LCE3E: variants seen among roughly 807,000 people sequenced by gnomAD.
LCE3E encodes the protein late cornified envelope 3E, also known as late cornified envelope protein 3E.
For synonymous variants in LCE3E, 40 were observed against 47.0 expected (o/e 0.85, Z 0.61); for missense variants, 133 against 120.0 (o/e 1.11, Z -0.51).
rs1216929667 is a variant in LCE3E at position 152,566,074 on chromosome 1, G to T, written c.135C>A (p.Gly45=). Reference sequence around the variant, plus strand: ...GGAAGCAGCCGCCCTCGGAGCTAGGGCCACAGCCCCCAGAGCTTGGGGCAC... The same window carrying T: ...GGAAGCAGCCGCCCTCGGAGCTAGGTCCACAGCCCCCAGAGCTTGGGGCAC... ...SGCAPSSGGC[G]PSSEGGCFLN... Residue 45 remains glycine, a synonymous_variant, in exon 2 of 2, where the codon GGC becomes GGA. Coordinates refer to ENST00000368789, the MANE Select transcript of LCE3E (RefSeq NM_178435.4). 4 of 1,613,720 alleles carry T rather than the reference G, an allele frequency of 2.5e-6. No homozygotes were observed. In the African/African-American group the frequency reaches 4.0e-5, roughly 16 times the overall value.
Position 152,565,747 on chromosome 1 carries a change from C to T in LCE3E, c.*183G>A, listed in dbSNP as rs180816225. 35 of 815,040 alleles carry T rather than the reference C, an allele frequency of 4.3e-5. No homozygotes were observed. The highest frequency in any genetic ancestry group is 4.3e-4 in the Admixed American group (15 of 35,084). The allele number at this position is 815,040 out of a possible 1,614,324, so 50.5% of individuals were successfully genotyped here. A position where few individuals can be genotyped will look rare whatever the true frequency, so the allele number is the denominator to read the frequency against. Reference sequence around the variant, plus strand: ...CAGGGGTAGGGGGACATATGACATCCTGTACATAAAACAAGAAGTGCCTTC... The same window carrying T: ...CAGGGGTAGGGGGACATATGACATCTTGTACATAAAACAAGAAGTGCCTTC... On this transcript the variant is annotated 3_prime_UTR_variant, in exon 2 of 2. Coordinates refer to ENST00000368789, the MANE Select transcript of LCE3E (RefSeq NM_178435.4).
Position 152,565,950 on chromosome 1 carries a change from C to T in LCE3E, c.259G>A (p.Gly87Ser), listed in dbSNP as rs760662720. 24 of 1,613,526 alleles carry T rather than the reference C, an allele frequency of 1.5e-5. No individual in the cohort carries two copies. The African/African-American group carries it at 2.3e-4, about 15-fold the overall frequency. ...CTGGATCAGCAGCAGCCCCCAGAAC[C>T]GTGGCAGCAGCCAGAGCCCCCGCCT... ...QQGGGSGCCH[G>S]SGGCC Residue 87 changes from glycine (G) to serine (S), a missense_variant, in exon 2 of 2, where the codon GGT (glycine) becomes AGT (serine). Gly to Ser is a moderately conservative substitution (Grantham distance 56). Transcript: ENST00000368789.
chr1:152,565,977 G>A lies in LCE3E; in HGVS notation c.232C>T (p.Gln78Ter), dbSNP rs752108425. 2 of 1,613,700 alleles carry A rather than the reference G, an allele frequency of 1.2e-6. No individual in the cohort carries two copies. The highest frequency in any genetic ancestry group is 1.7e-6 in the Non-Finnish European group (2 of 1,180,040). Residue 78 changes from glutamine to a stop codon, truncating the protein, a stop_gained, in exon 2 of 2, where the codon CAA (glutamine) becomes TAA (stop). Coordinates refer to ENST00000368789, the MANE Select transcript of LCE3E (RefSeq NM_178435.4). LOFTEE classifies it high-confidence loss of function. The part of the protein sequence containing the change: ...SNSCDRGSGQ[Q>*]GGGSGCCHGS... ...TGGCAGCAGCCAGAGCCCCCGCCTT[G>A]CTGACCACTGCCCCTGTCACAGGAG...
intron 1 of LCE3E, 46 bp from the exon 2 acceptor site, chr1:152,566,275 C>T (rs1295236569): frequency 1.1e-5 from 18 of 1,578,528 alleles, no homozygotes; most frequent in Admixed American, 3.6e-5. Flanking sequence ...TACAGTCCAA[C>T]GTCTCTAAGA....
rs1659922981 is a variant in LCE3E at position 152,566,342 on chromosome 1, G to C, written c.-21-113C>G. 9.9e-6 allele frequency: 11 copies of C among 1,115,494 alleles called. No individual in the cohort carries two copies. In the East Asian group the frequency reaches 2.8e-4, roughly 29 times the overall value. The allele number at this position is 1,115,494 out of a possible 1,614,324, so 69.1% of individuals were successfully genotyped here. On this transcript the variant is annotated intron_variant, in intron 1 of 1. Coordinates refer to ENST00000368789, the MANE Select transcript of LCE3E (RefSeq NM_178435.4). The stretch of plus-strand genomic sequence containing the variant: ...GGGTGAGGGAAGCTGATGTGGAGCT[G>C]GTGGGATATGCCAGATACTTCTCAC...
intron 1 of LCE3E, among the ~76,000 whole-genome samples, chr1:152,566,531 T>G (rs1031522563): frequency 2.0e-5 from 3 of 151,994 alleles, no homozygotes; most frequent in African/African-American, 7.2e-5. Flanking sequence ...TGGGAGGGAA[T>G]TGTGAGCTCT....
rs1659918773 is a variant in LCE3E, at chr1:152,566,154, G to A, written c.55C>T (p.Pro19Ser). 2 of 1,613,754 alleles carry A rather than the reference G, an allele frequency of 1.2e-6. No homozygotes were observed. Among genetic ancestry groups the A allele is most frequent in the Middle Eastern group, 1.6e-4 (1 of 6,084 alleles). ...QCQPPPKCPS[P>S]KCPPKNPVQC... Reference sequence around the variant, plus strand: ...ACTGGGTTCTTTGGGGGACACTTGGGTGAGGGGCACTTGGGTGGGGGTTGG... The same window carrying A: ...ACTGGGTTCTTTGGGGGACACTTGGATGAGGGGCACTTGGGTGGGGGTTGG... Residue 19 changes from proline (P) to serine (S), a missense_variant, in exon 2 of 2, where the codon CCC becomes TCC. Coordinates refer to ENST00000368789, the MANE Select transcript of LCE3E (RefSeq NM_178435.4).
At chr1:152,566,607 C>T (rs190464466) in intron 1 of LCE3E, 131 bp downstream of exon 1, 87 of 231,720 alleles carry the variant, frequency 3.8e-4, no homozygotes, top group Middle Eastern at 3.2e-3. Context: ...CCCCTTCCCC[C>T]ATTGCTGCCC....
chr1:152,565,834 G>T lies in LCE3E; in HGVS notation c.*96C>A. 1 of 1,518,682 alleles carries T rather than the reference G, an allele frequency of 6.6e-7. No individual in the cohort carries two copies. Among genetic ancestry groups the T allele is most frequent in the Non-Finnish European group, 8.9e-7 (1 of 1,122,978 alleles). The allele number at this position is 1,518,682 out of a possible 1,614,324, so 94.1% of individuals were successfully genotyped here. ...GCTCAGCCTGTGAAAGTCAGAAGAG[G>T]GTATATGGGAAGGCATGCGTCAGAT... On this transcript the variant is annotated 3_prime_UTR_variant, in exon 2 of 2. Transcript: ENST00000368789.
At position 152,566,145 on chromosome 1, in the gene LCE3E, G is replaced by A; in HGVS notation, c.64C>T (p.Pro22Ser). 2 of 1,613,902 alleles carry A rather than the reference G, an allele frequency of 1.2e-6. No individual in the cohort carries two copies. The highest frequency in any genetic ancestry group is 1.7e-6 in the Non-Finnish European group (2 of 1,180,052). The change falls in exon 2 of 2, where the codon CCC (proline) becomes TCC (serine). Residue 22 changes from proline to serine, a missense_variant. Transcript: ENST00000368789. ...AGACACTGTACTGGGTTCTTTGGGG[G>A]ACACTTGGGTGAGGGGCACTTGGGT... ...PPPKCPSPKC[P>S]PKNPVQCLPP...
In LCE3E at chr1:152,565,986, T is replaced by C. The variant is rs755464833; in HGVS notation, c.223A>G (p.Ser75Gly). ...CCAGAGCCCCCGCCTTGCTGACCAC[T>C]GCCCCTGTCACAGGAGTTGGACCTC... Reference protein sequence around the residue: ...RQRSNSCDRGSGQQGGGSGCC... With the variant: ...RQRSNSCDRGGGQQGGGSGCC... Residue 75 changes from serine (S) to glycine (G), a missense_variant, in exon 2 of 2, where the codon AGT (serine) becomes GGT (glycine). Coordinates refer to ENST00000368789, the MANE Select transcript of LCE3E (RefSeq NM_178435.4). The C allele has an allele frequency of 5.6e-6, 9 of 1,613,828 alleles. No individual in the cohort carries two copies. Among genetic ancestry groups the C allele is most frequent in the Middle Eastern group, 1.7e-4 (1 of 6,060 alleles).
chr1:152,565,816 C>T lies in LCE3E; in HGVS notation c.*114G>A. 5 of 1,465,678 alleles carry T rather than the reference C, an allele frequency of 3.4e-6. No homozygotes were observed. In the East Asian group the frequency reaches 1.1e-4, roughly 33 times the overall value. The allele number at this position is 1,465,678 out of a possible 1,614,324, so 90.8% of individuals were successfully genotyped here. A position where few individuals can be genotyped will look rare whatever the true frequency, so the allele number is the denominator to read the frequency against. ...CCCACAGGAAAACCTCCAGCTCAGC[C>T]TGTGAAAGTCAGAAGAGGGTATATG... On this transcript the variant is annotated 3_prime_UTR_variant, in exon 2 of 2. Transcript: ENST00000368789.
In LCE3E at chr1:152,566,051, A is replaced by G. The variant is rs767923871; in HGVS notation, c.158T>C (p.Phe53Ser). 7 of 1,613,726 alleles carry G rather than the reference A, an allele frequency of 4.3e-6. No homozygotes were observed. The highest frequency in any genetic ancestry group is 5.1e-6 in the Non-Finnish European group (6 of 1,180,006). Residue 53 changes from phenylalanine to serine, a missense_variant, in exon 2 of 2, where the codon TTC becomes TCC. By Grantham distance (155) the Phe-to-Ser change is radical. Transcript: ENST00000368789. ...GCGPSSEGGCFLNHHRRHHRC... is the reference protein window; with the variant it reads ...GCGPSSEGGCSLNHHRRHHRC... The stretch of plus-strand genomic sequence containing the variant: ...GTGGTGGCGCCTGTGGTGGTTCAGG[A>G]AGCAGCCGCCCTCGGAGCTAGGGCC...
Position 152,565,798 on chromosome 1 carries a change from G to GA in LCE3E, c.*131dup, listed in dbSNP as rs146249879. On this transcript the variant is annotated 3_prime_UTR_variant, in exon 2 of 2. Transcript: ENST00000368789. ...TGGGGAGAGCTCAGATCCCCCACAG[G>GA]AAAACCTCCAGCTCAGCCTGTGAAA... 4,902 of 1,375,852 alleles carry GA rather than the reference G, an allele frequency of 3.6e-3. 179 individuals carry two copies. In the African/African-American group the frequency reaches 0.063, roughly 18 times the overall value. 85.2% of individuals were successfully genotyped at this position (1,375,852 alleles called of 1,614,324 possible). A position where few individuals can be genotyped will look rare whatever the true frequency, so the allele number is the denominator to read the frequency against.
In LCE3E at chr1:152,566,044, G is replaced by A. The variant is rs1408772234; in HGVS notation, c.165C>T (p.Asn55=). The A allele has an allele frequency of 6.2e-7, 1 of 1,613,754 alleles. No homozygotes were observed. The highest frequency in any genetic ancestry group is 8.5e-7 in the Non-Finnish European group (1 of 1,180,026). ...GPSSEGGCFL[N]HHRRHHRCRR... is the part of the protein sequence containing the mutation. ...GGCATCGGTGGTGGCGCCTGTGGTG[G>A]TTCAGGAAGCAGCCGCCCTCGGAGC... Residue 55 remains asparagine, a synonymous_variant, in exon 2 of 2, where the codon AAC becomes AAT. Transcript: ENST00000368789.
In LCE3E at chr1:152,566,276, G is replaced by A. The variant is rs370520155; in HGVS notation, c.-21-47C>T. The A allele has an allele frequency of 1.4e-4, 228 of 1,576,156 alleles. 2 individuals are homozygous for A. The South Asian group carries it at 2.0e-3, about 14-fold the overall frequency. On this transcript the variant is annotated intron_variant, in intron 1 of 1. Coordinates refer to ENST00000368789, the MANE Select transcript of LCE3E (RefSeq NM_178435.4). ...CTTAGTTCAAAATCTACAGTCCAAC[G>A]TCTCTAAGACCAGCTGCCTCCTGAG...
Position 152,565,889 on chromosome 1 carries a change from G to C in LCE3E, c.*41C>G, listed in dbSNP as rs1490722837. ...CTGTTCTTGGCCTCTTGGGATTCTT[G>C]TTTCCTCCAAAGATCGCTTGTCTCA... is the stretch of plus-strand genomic sequence containing the variant. On this transcript the variant is annotated 3_prime_UTR_variant, in exon 2 of 2. Transcript: ENST00000368789. 1 of 1,603,332 alleles carries C rather than the reference G, an allele frequency of 6.2e-7. No homozygotes were observed. Among genetic ancestry groups the C allele is most frequent in the Admixed American group, 1.7e-5 (1 of 58,124 alleles).
chr1:152,566,060 C>A lies in LCE3E; in HGVS notation c.149G>T (p.Gly50Val). 1 of 1,613,752 alleles carries A rather than the reference C, an allele frequency of 6.2e-7. No homozygotes were observed. The highest frequency in any genetic ancestry group is 2.2e-5 in the East Asian group (1 of 44,862). ...SSGGCGPSSE[G>V]GCFLNHHRRH... is the part of the protein sequence containing the mutation. Reference sequence around the variant, plus strand: ...CCTGTGGTGGTTCAGGAAGCAGCCGCCCTCGGAGCTAGGGCCACAGCCCCC... The same window carrying A: ...CCTGTGGTGGTTCAGGAAGCAGCCGACCTCGGAGCTAGGGCCACAGCCCCC... Residue 50 changes from glycine to valine, a missense_variant, in exon 2 of 2, where the codon GGC becomes GTC. Coordinates refer to ENST00000368789, the MANE Select transcript of LCE3E (RefSeq NM_178435.4).
At chr1:152,566,251 C>G in intron 1 of LCE3E, 22 bp from the exon 2 acceptor site, 1 of 1,605,982 alleles carries the variant, frequency 6.2e-7, no homozygotes, top group Non-Finnish European at 8.5e-7. Context: ...GAAGCCACTT[C>G]TTAGTTCAAA....
Sources: gnomAD v4.1 joint callset for allele counts (sites outside exome capture counted in the v4.1 genomes callset) on GRCh38, gnomAD v4.1.1 for gene constraint, MANE v1.5 for transcripts, NCBI Gene and HGNC (gene_info 2026-07-23, HGNC 2026-07-21) for gene names.